Variants in MTOR observed in about 807,000 individuals in gnomAD.
MTOR encodes the protein mechanistic target of rapamycin kinase.
In MTOR, 70 loss-of-function variants were observed where a neutral mutation model predicts 319.8. The ratio of observed to expected loss-of-function variants is 0.22; its 90% CI spans 0.18 to 0.27. The LOEUF is 0.27. Among genes scored for constraint, MTOR ranks in the 10% least tolerant of loss-of-function variants. MTOR has a pLI of 1.00. For missense variants in MTOR, 1,890 were observed against 3,274.4 expected, an observed-to-expected ratio of 0.58 and a Z score of 10.32; for synonymous variants, 1,183 against 1,211.4, an observed-to-expected ratio of 0.98 and a Z score of 0.49.
chr1:11,208,301 C>T (rs1571169668), intron 25 of MTOR, among the ~76,000 whole-genome samples: 2 of 152,272 alleles, frequency 1.3e-5, no homozygotes, highest in African/African-American at 2.4e-5. Flanking sequence ...ACCCAGCAAA[C>T]GTTTCTTAGC....
chr1:11,118,524 C>T (rs1206998562), intron 49 of MTOR, among the ~76,000 whole-genome samples: 2 of 150,766 alleles, frequency 1.3e-5, no homozygotes, highest in Non-Finnish European at 3.0e-5. Flanking sequence ...CGTGAACCAC[C>T]GTGCCTGGTC....
At chr1:11,150,616 A>T (rs1359618793) in intron 30 of MTOR, among the ~76,000 whole-genome samples, 2 of 152,228 alleles carry the variant, frequency 1.3e-5, no homozygotes, top group South Asian at 4.1e-4. Context: ...GCTCAAAGCT[A>T]TAGGGAGAAC....
At chr1:11,194,853 G>T (rs756344312) in intron 28 of MTOR, 1 of 1,613,938 alleles carries the variant, frequency 6.2e-7, no homozygotes, top group Non-Finnish European at 8.5e-7. Flanking sequence ...TCTCATGCCA[G>T]GTGGCTACTG....
intron 38 of MTOR, chr1:11,131,114 G>C (rs1184210171): frequency 6.2e-6 from 2 of 324,140 alleles, no homozygotes; most frequent in East Asian, 6.5e-5. Flanking sequence ...AGGCACAATG[G>C]GAGTAGCAAG....
intron 1 of MTOR, among the ~76,000 whole-genome samples, chr1:11,259,929 C>G (rs1650897895): frequency 1.3e-5 from 2 of 152,128 alleles, no homozygotes. Flanking sequence ...AAAACAAAAA[C>G]AAGGTTATAT....
intron 47 of MTOR, among the ~76,000 whole-genome samples, chr1:11,123,119 C>T (rs72647295): frequency 1.3e-5 from 2 of 152,190 alleles, no homozygotes; most frequent in Non-Finnish European, 2.9e-5. Flanking sequence ...CCAGTCTACC[C>T]GCCACAAATT....
chr1:11,204,096 T>C (rs1057382913), intron 26 of MTOR, among the ~76,000 whole-genome samples: 1 of 152,194 alleles, frequency 6.6e-6, no homozygotes, highest in East Asian at 1.9e-4. Flanking sequence ...GGATCCTCCA[T>C]CCTGCCCCAG....
intron 28 of MTOR, among the ~76,000 whole-genome samples, chr1:11,182,714 G>A (rs1485926906): frequency 6.6e-6 from 1 of 152,182 alleles, no homozygotes; most frequent in Non-Finnish European, 1.5e-5. Flanking sequence ...ACACAATGGG[G>A]TTGTTTGCTC....
chr1:11,168,208 G>A (rs1302058115), intron 28 of MTOR, among the ~76,000 whole-genome samples: 1 of 150,126 alleles, frequency 6.7e-6, no homozygotes, highest in African/African-American at 2.5e-5. Context: ...AGACTCCTCT[G>A]AACTTTTTTT....
rs1643275346 is a variant in MTOR, at chr1:11,133,833, GAGGCTGGCTGGAGCAC to G, written c.5246+502_5246+517del. Among the ~76,000 whole-genome samples the G allele has an allele frequency of 6.6e-6, 1 of 152,186 alleles. No homozygotes were observed. The highest frequency in any genetic ancestry group is 1.5e-5 in the Non-Finnish European group (1 of 68,036). Reference sequence around the variant, plus strand: ...CCAGCATTTTGGAAGGCTGTGGAGGGAGGCTGGCTGGAGCACAGGAGTTTGAGACCAGCCTGGGCAA... The same window carrying G: ...CCAGCATTTTGGAAGGCTGTGGAGGGAGGAGTTTGAGACCAGCCTGGGCAA... On this transcript the variant is annotated intron_variant, in intron 37 of 57. Transcript: ENST00000361445. This position sits in a 1 kb window ranked among gnomAD's most constrained non-coding sequence, Gnocchi z 4.0.
At chr1:11,118,915 C>G (rs996066408) in intron 49 of MTOR, among the ~76,000 whole-genome samples, 1 of 152,018 alleles carries the variant, frequency 6.6e-6, no homozygotes, top group East Asian at 1.9e-4. Flanking sequence ...ACGTGAGCCA[C>G]TGCACCCCGC....
At position 11,128,604 on chromosome 1, in the gene MTOR, T is replaced by C; in HGVS notation, c.5812-52A>G. The C allele has an allele frequency of 6.6e-7, 1 of 1,519,416 alleles. No homozygotes were observed. The highest frequency in any genetic ancestry group is 9.1e-7 in the Non-Finnish European group (1 of 1,094,706). 94.1% of individuals were successfully genotyped at this position (1,519,416 alleles called of 1,614,324 possible). A position where few individuals can be genotyped will look rare whatever the true frequency, so the allele number is the denominator to read the frequency against. ...AGCATATGAGACTTGAAACAACTAGTTATTCTTCTAGGCAAAGATCAATTC... is the reference window on the plus strand; with the variant it reads ...AGCATATGAGACTTGAAACAACTAGCTATTCTTCTAGGCAAAGATCAATTC... On this transcript the variant is annotated intron_variant, in intron 41 of 57. Coordinates refer to ENST00000361445, the MANE Select transcript of MTOR (RefSeq NM_004958.4). The surrounding 1 kb of genome is among the most constrained non-coding windows in gnomAD (Gnocchi z 5.3).
rs1257592579 is a variant in MTOR at position 11,247,928 on chromosome 1, T to C, written c.1007A>G (p.Tyr336Cys). ...QSNALVGLLG[Y>C]SSHQGLMGFG... ...TCCCATGAGGCCTTGGTGAGAGCTG[T>C]ACCCCAGCAGCCCCACCAAGGCATT... The change falls in exon 7 of 58, where the codon TAC becomes TGC. Residue 336 changes from tyrosine to cysteine, a missense_variant. By Grantham distance (194) the Tyr-to-Cys change is radical. This residue lies in a region of MTOR where 418 missense variants were observed against 543.1 expected (regional missense o/e 0.77). Transcript: ENST00000361445. The C allele has an allele frequency of 6.2e-7, 1 of 1,614,026 alleles. No individual in the cohort carries two copies. The highest frequency in any genetic ancestry group is 1.3e-5 in the African/African-American group (1 of 74,896).
At chr1:11,222,279 C>T (rs1646692870) in intron 19 of MTOR, among the ~76,000 whole-genome samples, 1 of 151,934 alleles carries the variant, frequency 6.6e-6, no homozygotes, top group Non-Finnish European at 1.5e-5. Context: ...TCACTGCAAG[C>T]TCTACCTCCC....
Position 11,238,498 on chromosome 1 carries a change from G to A in MTOR, c.1906C>T (p.Leu636Phe). Reference protein sequence around the residue: ...CSRLLTPSIHLISGHAHVVSQ... With the variant: ...CSRLLTPSIHFISGHAHVVSQ... ...ACCACATGAGCATGGCCACTGATGA[G>A]GTGGATGGAGGGTGTGAGCAGGCGG... Residue 636 changes from leucine to phenylalanine, a missense_variant, in exon 12 of 58, where the codon CTC becomes TTC. By Grantham distance (22) the Leu-to-Phe change is conservative. Around this residue, in one of 15 missense-constraint regions of MTOR, gnomAD observed 418 missense variants for 543.1 expected, o/e 0.77. Transcript: ENST00000361445. The A allele has an allele frequency of 6.2e-7, 1 of 1,614,206 alleles. No homozygotes were observed. The highest frequency in any genetic ancestry group is 8.5e-7 in the Non-Finnish European group (1 of 1,180,038).
intron 9 of MTOR, 130 bp downstream of exon 9, chr1:11,242,984 T>C (rs916695700): frequency 1.1e-5 from 9 of 853,796 alleles, no homozygotes; most frequent in Non-Finnish European, 1.6e-5. Flanking sequence ...GGGCTGTTCT[T>C]CATATGATTT....
chr1:11,207,853 T>C (rs543524728), intron 25 of MTOR, among the ~76,000 whole-genome samples: 24 of 152,262 alleles, frequency 1.6e-4, no homozygotes, highest in African/African-American at 5.1e-4. Context: ...GGATTCTGTC[T>C]AGAGTTTTGA....
At chr1:11,195,812 C>T (rs1354676314) in intron 28 of MTOR, 2 of 152,422 alleles carry the variant, frequency 1.3e-5, no homozygotes, top group Non-Finnish European at 2.9e-5. Context: ...AAGGAGCTTC[C>T]TTTTAAATTT....
Position 11,210,890 on chromosome 1 carries a change from G to A in MTOR, c.3578C>T (p.Pro1193Leu). Residue 1193 changes from proline to leucine, a missense_variant, in exon 24 of 58, where the codon CCA (proline) becomes CTA (leucine). By Grantham distance (98) the Pro-to-Leu change is moderately conservative. Coordinates refer to ENST00000361445, the MANE Select transcript of MTOR (RefSeq NM_004958.4). Reference sequence around the variant, plus strand: ...TCGCACCAGAACTTTATTCACCATTGGAATGAAAATTTGGTACTAAAACAG... The same window carrying A: ...TCGCACCAGAACTTTATTCACCATTAGAATGAAAATTTGGTACTAAAACAG... ...QLGKKYQIFIPMVNKVLVRHR... is the reference protein window; with the variant it reads ...QLGKKYQIFILMVNKVLVRHR... The A allele has an allele frequency of 3.1e-6, 5 of 1,612,978 alleles. No homozygotes were observed. The highest frequency in any genetic ancestry group is 4.2e-6 in the Non-Finnish European group (5 of 1,179,284).
Sources: allele counts gnomAD v4.1 joint callset (sites outside exome capture counted in the v4.1 genomes callset), GRCh38; gene constraint gnomAD v4.1.1; regional missense constraint gnomAD v4.1.1; non-coding constraint Gnocchi (gnomAD v3.1); transcripts MANE v1.5; gene names NCBI Gene and HGNC (gene_info 2026-07-23, HGNC 2026-07-21).